The following EYA2 variants were observed in gnomAD, a reference collection of about 807,000 sequenced individuals.
EYA2 encodes EYA transcriptional coactivator and phosphatase 2.
Under a neutral mutation model 69.2 loss-of-function variants are expected in EYA2, and 31 were observed. The ratio of observed to expected loss-of-function variants is 0.45; its 90% CI spans 0.34 to 0.60. EYA2 has a LOEUF of 0.60. Among genes scored for constraint, EYA2 ranks in the 20% least tolerant of loss-of-function variants. The pLI is 0.02. For synonymous variants in EYA2, 257 were observed against 279.4 expected (o/e 0.92, Z 0.80); for missense variants, 622 against 701.2 (o/e 0.89, Z 1.28).
chr20:47,074,680 G>A (rs939002425), intron 7 of EYA2, among the ~76,000 whole-genome samples: 2 of 152,122 alleles, frequency 1.3e-5, no homozygotes, highest in Non-Finnish European at 2.9e-5. Flanking sequence ...CATTCCCAAG[G>A]AACACCACTT....
chr20:47,179,508 GGATGGGTGGATAGGTGGGTAGGTAGATA>G (rs1177930518), intron 12 of EYA2, among the ~76,000 whole-genome samples: 1 of 150,484 alleles, frequency 6.6e-6, no homozygotes, highest in Non-Finnish European at 1.5e-5. Flanking sequence ...TTGGGTGGAT[GGATGGGTGGATAGGTGGGTAGGTAGATA>G]GATGGGTGGA....
chr20:47,038,697 G>A (rs1600660991), intron 5 of EYA2, among the ~76,000 whole-genome samples: 2 of 152,122 alleles, frequency 1.3e-5, no homozygotes, highest in East Asian at 3.9e-4. Context: ...ACCACTTTGT[G>A]CAACAGATTT....
chr20:47,106,648 G>A (rs74485779), intron 9 of EYA2, among the ~76,000 whole-genome samples: 21,762 of 151,904 alleles, frequency 0.14, 1,911 homozygotes, highest in South Asian at 0.19. Flanking sequence ...AGTGAGGCTG[G>A]CTATGGTCCT....
At chr20:47,057,511 C>CCA (rs1491219439) in intron 5 of EYA2, among the ~76,000 whole-genome samples, 3 of 80,714 alleles carry the variant, frequency 3.7e-5, no homozygotes, top group African/African-American at 2.2e-4. Flanking sequence ...TTTTATATCA[C>CCA]CCCCCCCCCC....
At chr20:47,167,856 G>A (rs138523645) in intron 10 of EYA2, among the ~76,000 whole-genome samples, 39 of 152,110 alleles carry the variant, frequency 2.6e-4, no homozygotes, top group African/African-American at 7.2e-4. Context: ...AAGAATGTGC[G>A]CATCTTTGGG....
chr20:46,933,647 C>T (rs751987432), intron 1 of EYA2, among the ~76,000 whole-genome samples: 7 of 152,222 alleles, frequency 4.6e-5, no homozygotes, highest in Non-Finnish European at 7.3e-5. Context: ...TGGAAAGCGC[C>T]AAGTCTCACT....
At chr20:47,094,126 G>A (rs1267792054) in intron 8 of EYA2, among the ~76,000 whole-genome samples, 3 of 152,240 alleles carry the variant, frequency 2.0e-5, no homozygotes, top group African/African-American at 4.8e-5. Context: ...ACTAAGAATC[G>A]AGGATGGTGA....
chr20:47,157,482 T>G (rs75491839), intron 10 of EYA2, among the ~76,000 whole-genome samples: 121 of 150,072 alleles, frequency 8.1e-4, no homozygotes, highest in African/African-American at 2.9e-3. Context: ...TTCATAAGAA[T>G]AATTGGAAAG....
At chr20:47,084,176 G>A (rs529636216) in intron 7 of EYA2, among the ~76,000 whole-genome samples, 109 of 152,208 alleles carry the variant, frequency 7.2e-4, no homozygotes, top group Admixed American at 1.4e-3. Context: ...AACCCAGGAG[G>A]CGGAGGTTGC....
At chr20:47,168,822 TG>T (rs2034259116) in intron 10 of EYA2, among the ~76,000 whole-genome samples, 1 of 152,216 alleles carries the variant, frequency 6.6e-6, no homozygotes, top group South Asian at 2.1e-4. Flanking sequence ...AGGGGAGTCC[TG>T]GTTTGAACCT....
chr20:47,072,057 A>T, intron 5 of EYA2, 128 bp from the exon 6 acceptor site: 1 of 829,806 alleles, frequency 1.2e-6, no homozygotes. Flanking sequence ...ACCACTAGGA[A>T]CCAGAGCTTC....
chr20:47,170,977 C>T (rs1219651734), intron 11 of EYA2, among the ~76,000 whole-genome samples: 1 of 152,220 alleles, frequency 6.6e-6, no homozygotes. Context: ...CGGCAGATGC[C>T]TGCTTCATTT....
At chr20:46,952,139 T>C (rs1040022477) in intron 1 of EYA2, among the ~76,000 whole-genome samples, 3 of 151,938 alleles carry the variant, frequency 2.0e-5, no homozygotes, top group Admixed American at 2.0e-4. Context: ...CGCCGAGCAA[T>C]GGGGCAGGAG....
intron 7 of EYA2, among the ~76,000 whole-genome samples, chr20:47,082,602 T>C (rs532675027): frequency 6.6e-6 from 1 of 152,352 alleles, no homozygotes; most frequent in South Asian, 2.1e-4. Context: ...GATATATACC[T>C]GGTTCGTGAA....
intron 11 of EYA2, among the ~76,000 whole-genome samples, chr20:47,169,829 C>T (rs185865727): frequency 9.8e-5 from 15 of 152,312 alleles, no homozygotes; most frequent in Admixed American, 5.9e-4. Flanking sequence ...TGCTTCTCCT[C>T]CTCCAGCAGT....
At chr20:47,014,896 T>G (rs1230359247) in intron 4 of EYA2, among the ~76,000 whole-genome samples, 3 of 152,098 alleles carry the variant, frequency 2.0e-5, no homozygotes, top group Non-Finnish European at 2.9e-5. Context: ...AAACCACACA[T>G]TAGAATGTCA....
At chr20:47,132,773 G>C (rs574962830) in intron 9 of EYA2, among the ~76,000 whole-genome samples, 1 of 152,358 alleles carries the variant, frequency 6.6e-6, no homozygotes, top group East Asian at 1.9e-4. Context: ...GGCAATGCTT[G>C]TATAAGGGAG....
chr20:47,014,670 G>GTGTGT (rs1555812540), intron 4 of EYA2, among the ~76,000 whole-genome samples: 2 of 144,174 alleles, frequency 1.4e-5, no homozygotes, highest in African/African-American at 5.2e-5. Flanking sequence ...GTGTGTGTGT[G>GTGTGT]GTGTGATGAC....
intron 2 of EYA2, among the ~76,000 whole-genome samples, chr20:47,000,007 T>A (rs1982259363): frequency 6.6e-6 from 1 of 152,168 alleles, no homozygotes; most frequent in Non-Finnish European, 1.5e-5. Flanking sequence ...TCAGCTGTAG[T>A]GTCATGGTTG....
Sources: gnomAD v4.1 joint callset for allele counts (sites outside exome capture counted in the v4.1 genomes callset) on GRCh38, gnomAD v4.1.1 for gene constraint, MANE v1.5 for transcripts, NCBI Gene and HGNC (gene_info 2026-07-23, HGNC 2026-07-21) for gene names.